The following TGFBR3 variants were observed in gnomAD, a reference collection of about 807,000 sequenced individuals.
TGFBR3 encodes transforming growth factor beta receptor 3, also known as transforming growth factor beta receptor type 3.
In TGFBR3, 46 loss-of-function variants were observed where a neutral mutation model predicts 87.9. The observed-to-expected ratio is 0.52, with a 90% CI of 0.41 to 0.67. The LOEUF is 0.67. Ranked by LOEUF, TGFBR3 falls within the 30% of genes least tolerant of loss-of-function variation. The pLI is 0.00. For synonymous variants in TGFBR3, 381 were observed against 391.6 expected (o/e 0.97, Z 0.32); for missense variants, 866 against 1,041.9 (o/e 0.83, Z 2.32).
At chr1:91,695,626 AG>A (rs748935112) in intron 16 of TGFBR3, 45 bp downstream of exon 16, 64 of 1,435,446 alleles carry the variant, frequency 4.5e-5, no homozygotes, top group Non-Finnish European at 5.7e-5. Context: ...ATTGTGTGGC[AG>A]GAACACAAGC....
chr1:91,882,294 G>A (rs1278443605), intron 1 of TGFBR3, among the ~76,000 whole-genome samples: 4 of 151,294 alleles, frequency 2.6e-5, no homozygotes, highest in South Asian at 2.1e-4. Flanking sequence ...GCACCACCAC[G>A]CTCAGCAAAT....
intron 7 of TGFBR3, among the ~76,000 whole-genome samples, chr1:91,726,159 A>G (rs985631263): frequency 1.3e-5 from 2 of 152,170 alleles, no homozygotes; most frequent in Non-Finnish European, 2.9e-5. Flanking sequence ...AGATGGGGAC[A>G]TTCAAAGTGA....
intron 3 of TGFBR3, among the ~76,000 whole-genome samples, chr1:91,776,147 C>A (rs1048174621): frequency 6.6e-6 from 1 of 152,182 alleles, no homozygotes; most frequent in Non-Finnish European, 1.5e-5. Context: ...TAAGTCAACA[C>A]GCAACACTGG....
intron 2 of TGFBR3, among the ~76,000 whole-genome samples, chr1:91,848,690 T>C (rs1189945800): frequency 1.3e-5 from 2 of 152,336 alleles, no homozygotes; most frequent in Non-Finnish European, 2.9e-5. Context: ...TCTTCGAAAC[T>C]GTAATTTACA....
chr1:91,720,222 T>A lies in TGFBR3; in HGVS notation c.1084A>T (p.Met362Leu). 6.3e-7 allele frequency: 1 copy of A among 1,591,814 alleles called. No individual in the cohort carries two copies. The change falls in exon 9 of 17, where the codon ATG becomes TTG. Residue 362 changes from methionine (M) to leucine (L), a missense_variant. Physicochemically the swap from Met to Leu is conservative, Grantham distance 15 (BLOSUM62 2). Transcript: ENST00000212355. ...HLRLENNAEE[M>L]GDEEVHTIPP... is the part of the protein sequence containing the mutation. ...ATAGTGTGGACTTCCTCATCTCCCATCTCCTCTGCTGGTGAAAGAAGAAGG... is the reference window on the plus strand; with the variant it reads ...ATAGTGTGGACTTCCTCATCTCCCAACTCCTCTGCTGGTGAAAGAAGAAGG...
chr1:91,740,945 AAG>A (rs1380142777), intron 4 of TGFBR3, among the ~76,000 whole-genome samples: 1 of 152,244 alleles, frequency 6.6e-6, no homozygotes, highest in East Asian at 1.9e-4. Context: ...AGATAACTGC[AAG>A]AGTGTATAGG....
chr1:91,788,859 C>T (rs146046628), intron 3 of TGFBR3, among the ~76,000 whole-genome samples: 119 of 152,294 alleles, frequency 7.8e-4, no homozygotes, highest in African/African-American at 2.2e-3. Flanking sequence ...CATTGTCTAA[C>T]AACACTTTCA....
intron 4 of TGFBR3, among the ~76,000 whole-genome samples, chr1:91,749,478 A>G (rs1027614627): frequency 5.9e-5 from 9 of 152,208 alleles, no homozygotes; most frequent in African/African-American, 2.2e-4. Flanking sequence ...AGAAAAGCAA[A>G]TTCTATCCTA....
intron 3 of TGFBR3, among the ~76,000 whole-genome samples, chr1:91,775,254 T>C (rs1674527327): frequency 6.6e-6 from 1 of 152,176 alleles, no homozygotes; most frequent in African/African-American, 2.4e-5. Flanking sequence ...AACACAGAAA[T>C]GTAAAGAAAT....
intron 2 of TGFBR3, among the ~76,000 whole-genome samples, chr1:91,847,437 C>T: frequency 6.6e-6 from 1 of 151,694 alleles, no homozygotes; most frequent in East Asian, 1.9e-4. Context: ...AACCCCATTC[C>T]TACTAAAAAT....
Position 91,820,448 on chromosome 1 carries a change from C to A in TGFBR3, c.62-22977G>T, listed in dbSNP as rs193170315. 9.9e-5 allele frequency among the ~76,000 whole-genome samples: 15 copies of A among 152,118 alleles called. No homozygotes were observed. The East Asian group carries it at 2.7e-3, about 27-fold the overall frequency. On this transcript the variant is annotated intron_variant, in intron 2 of 16. Transcript: ENST00000212355. ...CCTGTAATCCCAGCACTTTGGGAGG[C>A]CGAGGCGGGCGGATCATGAGGTCAG...
intron 3 of TGFBR3, among the ~76,000 whole-genome samples, chr1:91,760,424 G>A (rs1673917287): frequency 6.6e-6 from 1 of 151,992 alleles, no homozygotes. Flanking sequence ...TCAAAAACAA[G>A]CAAACAAAAA....
intron 1 of TGFBR3, among the ~76,000 whole-genome samples, chr1:91,865,562 T>C (rs1240651312): frequency 1.3e-5 from 2 of 152,176 alleles, no homozygotes; most frequent in East Asian, 1.9e-4. Context: ...ATTTAAAAGG[T>C]AGGTGAACTT....
At chr1:91,813,148 C>T (rs1487678385) in intron 2 of TGFBR3, among the ~76,000 whole-genome samples, 1 of 152,124 alleles carries the variant, frequency 6.6e-6, no homozygotes, top group African/African-American at 2.4e-5. Flanking sequence ...AACGTTCTGA[C>T]TTCCTTCATG....
chr1:91,885,014 T>G (rs1219305872), intron 1 of TGFBR3, among the ~76,000 whole-genome samples: 1 of 152,194 alleles, frequency 6.6e-6, no homozygotes, highest in African/African-American at 2.4e-5. Context: ...CTCCGTGCGG[T>G]GCTTACTCGG....
intron 14 of TGFBR3, among the ~76,000 whole-genome samples, chr1:91,700,093 T>C (rs1027918631): frequency 3.9e-5 from 6 of 152,242 alleles, no homozygotes; most frequent in Non-Finnish European, 7.3e-5. Context: ...CTATGGCTGC[T>C]TTCATGCTGT....
intron 1 of TGFBR3, among the ~76,000 whole-genome samples, chr1:91,885,676 T>C (rs1679271527): frequency 6.6e-6 from 1 of 152,158 alleles, no homozygotes; most frequent in African/African-American, 2.4e-5. Flanking sequence ...CACGCACCGC[T>C]GGCCACCGGT....
At chr1:91,831,726 A>G (rs1222973621) in intron 2 of TGFBR3, among the ~76,000 whole-genome samples, 2 of 152,252 alleles carry the variant, frequency 1.3e-5, no homozygotes, top group Non-Finnish European at 2.9e-5. Flanking sequence ...CAAAGACTCC[A>G]TATTAACCTC....
At chr1:91,893,197 C>T (rs1261691833) in intron 2 of TGFBR3, among the ~76,000 whole-genome samples, 1 of 152,058 alleles carries the variant, frequency 6.6e-6, no homozygotes, top group African/African-American at 2.4e-5. Context: ...ATGGGCATAT[C>T]CACATATTTG....
Sources: allele counts gnomAD v4.1 joint callset (sites outside exome capture counted in the v4.1 genomes callset), GRCh38; gene constraint gnomAD v4.1.1; transcripts MANE v1.5; gene names NCBI Gene and HGNC (gene_info 2026-07-23, HGNC 2026-07-21).